CHRNB3: variants seen among roughly 807,000 people sequenced by gnomAD.
CHRNB3 encodes cholinergic receptor nicotinic beta 3 subunit.
Under a neutral mutation model 40.6 loss-of-function variants are expected in CHRNB3, and 37 were observed. That is an observed-to-expected ratio of 0.91 (90% CI 0.70 to 1.20). The LOEUF is 1.20. Among genes scored for constraint, CHRNB3 ranks in the 50% most tolerant of loss-of-function variants. The pLI, the probability that CHRNB3 is intolerant of heterozygous loss-of-function variation, is 0.00. For synonymous variants in CHRNB3, 207 were observed against 207.1 expected, an observed-to-expected ratio of 1.00 and a Z score of 0.00; for missense variants, 505 against 551.2, an observed-to-expected ratio of 0.92 and a Z score of 0.84.
At chr8:42,703,458 A>ATG (rs1554589407) in intron 1 of CHRNB3, among the ~76,000 whole-genome samples, 17 of 123,764 alleles carry the variant, frequency 1.4e-4, no homozygotes, top group African/African-American at 4.2e-4. Flanking sequence ...ATATATATAT[A>ATG]TATGTATCCA....
chr8:42,709,788 T>C (rs957202498), intron 2 of CHRNB3, among the ~76,000 whole-genome samples: 2 of 152,174 alleles, frequency 1.3e-5, no homozygotes, highest in South Asian at 4.1e-4. Context: ...TGTGCCATGA[T>C]GCCCAGCTAA....
At chr8:42,721,569 CAAT>C (rs1816218174) in intron 3 of CHRNB3, among the ~76,000 whole-genome samples, 1 of 151,890 alleles carries the variant, frequency 6.6e-6, no homozygotes, top group Non-Finnish European at 1.5e-5. Context: ...ACAAAAAATA[CAAT>C]AATTAGCTGG....
At chr8:42,735,000 C>T (rs1040761400) in intron 5 of CHRNB3, among the ~76,000 whole-genome samples, 2 of 151,802 alleles carry the variant, frequency 1.3e-5, no homozygotes, top group Non-Finnish European at 2.9e-5. Flanking sequence ...GCGGGCGGAT[C>T]ACGAGGTCAG....
At chr8:42,715,605 GT>G (rs1334739776) in intron 3 of CHRNB3, among the ~76,000 whole-genome samples, 1 of 151,986 alleles carries the variant, frequency 6.6e-6, no homozygotes, top group Non-Finnish European at 1.5e-5. Flanking sequence ...TACTTGTGGG[GT>G]TTTTTAAGTC....
Position 42,735,304 on chromosome 8 carries a change from G to A in CHRNB3, c.1243-1180G>A, listed in dbSNP as rs540773248. 3.3e-5 allele frequency among the ~76,000 whole-genome samples: 5 copies of A among 152,274 alleles called. No individual in the cohort carries two copies. The East Asian group carries it at 5.8e-4, about 18-fold the overall frequency. ...TGTAATCCTAGAACTTTGGGAGGCC[G>A]AGGCGGGTGGATCACCTGAGGTCAG... On this transcript the variant is annotated intron_variant, in intron 5 of 5. Transcript: ENST00000289957.
At chr8:42,728,530 A>C (rs1229114591) in intron 3 of CHRNB3, among the ~76,000 whole-genome samples, 2 of 152,144 alleles carry the variant, frequency 1.3e-5, no homozygotes, top group African/African-American at 4.8e-5. Context: ...TCCTGTCTCA[A>C]ATTAAAAAAA....
intron 5 of CHRNB3, among the ~76,000 whole-genome samples, chr8:42,733,592 C>CTTTT (rs1208342996): frequency 5.7e-4 from 58 of 101,012 alleles, no homozygotes; most frequent in South Asian, 6.5e-4. Context: ...CATCCTTCTT[C>CTTTT]TTTTTTTTTT....
At chr8:42,710,591 T>C (rs1586396098) in intron 3 of CHRNB3, among the ~76,000 whole-genome samples, 157 bp downstream of exon 3, 2 of 152,270 alleles carry the variant, frequency 1.3e-5, no homozygotes, top group East Asian at 1.9e-4. Flanking sequence ...GTTGTGAGTG[T>C]TGGGGAGCTG....
At chr8:42,725,758 A>T in intron 3 of CHRNB3, 3 of 923,158 alleles carry the variant, frequency 3.2e-6, no homozygotes, top group Non-Finnish European at 5.3e-6. Context: ...CGTGACCTTG[A>T]CTTGTCCACG....
intron 3 of CHRNB3, among the ~76,000 whole-genome samples, chr8:42,730,381 A>G (rs1014918305): frequency 2.0e-5 from 3 of 152,194 alleles, no homozygotes; most frequent in African/African-American, 7.2e-5. Context: ...AATATGTAAC[A>G]TGCAAAGTGT....
In CHRNB3 at chr8:42,731,674, G is replaced by T. The variant is rs757039691; in HGVS notation, c.367G>T (p.Gly123Cys). Residue 123 changes from glycine to cysteine, a missense_variant, in exon 5 of 6, where the codon GGC becomes TGC. By Grantham distance (159) the Gly-to-Cys change is radical (BLOSUM62 -3). Coordinates refer to ENST00000289957, the MANE Select transcript of CHRNB3 (RefSeq NM_000749.5). Reference sequence around the variant, plus strand: ...AAACTGCTTTGATTGCAGTGCTGACGGCCGCTTCGAAGGCTCCCTGATGAC... The same window carrying T: ...AAACTGCTTTGATTGCAGTGCTGACTGCCGCTTCGAAGGCTCCCTGATGAC... The part of the protein sequence containing the change: ...PDIVLFENAD[G>C]RFEGSLMTKV... 6.2e-7 allele frequency: 1 copy of T among 1,604,940 alleles called. No homozygotes were observed. Among genetic ancestry groups the T allele is most frequent in the South Asian group, 1.1e-5 (1 of 89,888 alleles).
chr8:42,707,320 C>T (rs1815937162), intron 1 of CHRNB3, among the ~76,000 whole-genome samples: 2 of 152,180 alleles, frequency 1.3e-5, no homozygotes, highest in South Asian at 2.1e-4. Flanking sequence ...AGTGGGCAAA[C>T]CTGGAGGGTA....
chr8:42,733,585 C>CCTT (rs1274329555), intron 5 of CHRNB3, among the ~76,000 whole-genome samples: 4 of 143,928 alleles, frequency 2.8e-5, no homozygotes, highest in Admixed American at 7.7e-5. Context: ...TCATCCTCAT[C>CCTT]CTTCTTCTTT....
chr8:42,714,613 G>GGT (rs141416734), intron 3 of CHRNB3, among the ~76,000 whole-genome samples: 8,726 of 151,948 alleles, frequency 0.057, 332 homozygotes, highest in Middle Eastern at 0.11. Context: ...AGCTATCATT[G>GGT]GTTTTACACA....
intron 1 of CHRNB3, among the ~76,000 whole-genome samples, chr8:42,699,813 G>A (rs1815748203): frequency 1.3e-5 from 2 of 150,838 alleles, no homozygotes; most frequent in Admixed American, 1.3e-4. Flanking sequence ...CATTGAATAT[G>A]CATTCTTTGA....
chr8:42,709,915 A>C (rs1431269715), intron 2 of CHRNB3, among the ~76,000 whole-genome samples: 2 of 152,188 alleles, frequency 1.3e-5, no homozygotes, highest in Non-Finnish European at 2.9e-5. Flanking sequence ...TATAGGTGTG[A>C]GCCACTGCAC....
At chr8:42,703,441 T>TAAAA (rs1563606389) in intron 1 of CHRNB3, among the ~76,000 whole-genome samples, 205 of 12,016 alleles carry the variant, frequency 0.017, 28 homozygotes, top group Non-Finnish European at 0.03. Context: ...AAAAAATATT[T>TAAAA]ATATATATAT....
At chr8:42,730,013 G>T (rs1457873330) in intron 3 of CHRNB3, among the ~76,000 whole-genome samples, 3 of 152,116 alleles carry the variant, frequency 2.0e-5, no homozygotes, top group Non-Finnish European at 4.4e-5. Flanking sequence ...AATTATAATT[G>T]GGAGCTCCAA....
At chr8:42,725,680 ATC>A (rs1816297213) in intron 3 of CHRNB3, 1 of 954,368 alleles carries the variant, frequency 1.0e-6, no homozygotes, top group African/African-American at 1.6e-5. Flanking sequence ...GAACCACGAG[ATC>A]TCCTGGAAAT....
Sources: allele counts gnomAD v4.1 joint callset (sites outside exome capture counted in the v4.1 genomes callset), GRCh38; gene constraint gnomAD v4.1.1; transcripts MANE v1.5; gene names NCBI Gene and HGNC (gene_info 2026-07-23, HGNC 2026-07-21).